The following PTPRG variants were observed in gnomAD, a reference collection of about 807,000 sequenced individuals.
PTPRG encodes the protein protein tyrosine phosphatase receptor type G, also known as receptor-type tyrosine-protein phosphatase gamma.
Under a neutral mutation model 165.3 loss-of-function variants are expected in PTPRG, and 102 were observed. That is an observed-to-expected ratio of 0.62 (90% CI 0.53 to 0.73). The LOEUF (loss-of-function observed/expected upper bound fraction) is 0.73, where lower values mean the gene tolerates loss of function less well. PTPRG is among the 30% of genes least tolerant of loss of function. The pLI is 0.00. For synonymous variants in PTPRG, 675 were observed against 669.5 expected, an observed-to-expected ratio of 1.01 and a Z score of -0.13; for missense variants, 1,866 against 1,861.4, an observed-to-expected ratio of 1.00 and a Z score of -0.05.
chr3:61,763,377 A>G (rs1288277255), intron 2 of PTPRG, among the ~76,000 whole-genome samples: 1 of 151,942 alleles, frequency 6.6e-6, no homozygotes, highest in Non-Finnish European at 1.5e-5. Flanking sequence ...AGCTGGGATT[A>G]CAGGCGCGCA....
chr3:61,682,258 C>G (rs1703472894), intron 1 of PTPRG, among the ~76,000 whole-genome samples: 1 of 151,060 alleles, frequency 6.6e-6, no homozygotes, highest in African/African-American at 2.4e-5. Context: ...ATGTTAAATT[C>G]TCTGAATTTG....
At chr3:61,993,795 G>A (rs368038916) in intron 3 of PTPRG, among the ~76,000 whole-genome samples, 61 of 151,950 alleles carry the variant, frequency 4.0e-4, no homozygotes, top group African/African-American at 1.4e-3. Context: ...TTTTTCTGAT[G>A]GAAATTTACA....
chr3:62,073,988 G>C (rs377101763), intron 4 of PTPRG, among the ~76,000 whole-genome samples: 2 of 152,210 alleles, frequency 1.3e-5, no homozygotes, highest in East Asian at 1.9e-4. Flanking sequence ...TTGGGCACTT[G>C]CCAAAACTTG....
intron 5 of PTPRG, among the ~76,000 whole-genome samples, chr3:62,114,544 G>A (rs974640253): frequency 6.6e-5 from 10 of 152,102 alleles, no homozygotes; most frequent in African/African-American, 2.4e-4. Flanking sequence ...AGTAGCCAAA[G>A]TACTTCATAT....
At chr3:62,089,965 A>G (rs138175707) in intron 5 of PTPRG, among the ~76,000 whole-genome samples, 1 of 152,194 alleles carries the variant, frequency 6.6e-6, no homozygotes, top group East Asian at 1.9e-4. Flanking sequence ...TGCTACCTCC[A>G]TGTATCAACT....
At chr3:61,589,583 T>C (rs1700517011) in intron 1 of PTPRG, among the ~76,000 whole-genome samples, 1 of 152,176 alleles carries the variant, frequency 6.6e-6, no homozygotes, top group South Asian at 2.1e-4. Flanking sequence ...TGTTGGTGAC[T>C]CAAAGTCATT....
chr3:61,898,420 T>C (rs2038417064), intron 2 of PTPRG, among the ~76,000 whole-genome samples: 1 of 152,210 alleles, frequency 6.6e-6, no homozygotes, highest in South Asian at 2.1e-4. Flanking sequence ...ATGCTGCTGC[T>C]TTTTTCTGTC....
intron 1 of PTPRG, among the ~76,000 whole-genome samples, chr3:61,644,619 A>G (rs1197671637): frequency 6.6e-6 from 1 of 152,128 alleles, no homozygotes; most frequent in Non-Finnish European, 1.5e-5. Context: ...TCTCTATCCG[A>G]AATAGGACTA....
At chr3:61,583,031 A>G (rs1700341032) in intron 1 of PTPRG, among the ~76,000 whole-genome samples, 1 of 152,232 alleles carries the variant, frequency 6.6e-6, no homozygotes, top group Admixed American at 6.5e-5. Context: ...AAGTGAACAG[A>G]GGCAATAATG....
chr3:62,159,138 A>T (rs1704648164), intron 7 of PTPRG, among the ~76,000 whole-genome samples: 1 of 152,104 alleles, frequency 6.6e-6, no homozygotes, highest in African/African-American at 2.4e-5. Flanking sequence ...CAGCCTGGGC[A>T]ACATGGCAAG....
At chr3:61,891,859 T>C (rs2038223086) in intron 2 of PTPRG, among the ~76,000 whole-genome samples, 3 of 152,184 alleles carry the variant, frequency 2.0e-5, no homozygotes. Context: ...TTGTGGAAAT[T>C]AGCATTATGA....
At chr3:61,653,934 G>C (rs945481878) in intron 1 of PTPRG, among the ~76,000 whole-genome samples, 3 of 151,798 alleles carry the variant, frequency 2.0e-5, no homozygotes, top group Middle Eastern at 3.4e-3. Context: ...AACATGTAAG[G>C]CTAATTAAGG....
intron 9 of PTPRG, among the ~76,000 whole-genome samples, chr3:62,192,487 C>T (rs1483821230): frequency 2.1e-5 from 3 of 139,868 alleles, no homozygotes; most frequent in African/African-American, 7.8e-5. Context: ...CGGCTCACTG[C>T]AAGCTCCACC....
intron 2 of PTPRG, among the ~76,000 whole-genome samples, chr3:61,791,105 G>T (rs969478357): frequency 4.6e-5 from 7 of 152,114 alleles, no homozygotes; most frequent in Non-Finnish European, 8.8e-5. Context: ...AAGAAGTATG[G>T]TATAATTTTT....
chr3:61,986,018 G>A (rs1326700372), intron 2 of PTPRG, among the ~76,000 whole-genome samples: 1 of 151,200 alleles, frequency 6.6e-6, no homozygotes, highest in African/African-American at 2.5e-5. Context: ...GACCAAGGGA[G>A]TGAGGAATAC....
At chr3:62,137,658 T>G (rs2106940945) in intron 6 of PTPRG, among the ~76,000 whole-genome samples, 1 of 152,258 alleles carries the variant, frequency 6.6e-6, no homozygotes, top group Non-Finnish European at 1.5e-5. Flanking sequence ...ACCACCGTGA[T>G]CTTTTTTTGG....
At chr3:61,976,954 G>A (rs1308104566) in intron 2 of PTPRG, among the ~76,000 whole-genome samples, 2 of 152,064 alleles carry the variant, frequency 1.3e-5, no homozygotes, top group African/African-American at 4.8e-5. Flanking sequence ...GCAATTACAG[G>A]TGTGAGCCAC....
At chr3:62,137,011 T>C (rs138503564) in intron 6 of PTPRG, among the ~76,000 whole-genome samples, 58 of 152,262 alleles carry the variant, frequency 3.8e-4, no homozygotes, top group Admixed American at 6.5e-4. Context: ...AAATTGTGAC[T>C]TTTACTAACT....
intron 1 of PTPRG, among the ~76,000 whole-genome samples, chr3:61,649,714 A>G (rs759398354): frequency 3.4e-4 from 52 of 152,368 alleles, no homozygotes; most frequent in Non-Finnish European, 6.2e-4. Context: ...TGTGTTGAGT[A>G]TAATGCAAGG....
Sources: gnomAD v4.1 joint callset for allele counts (sites outside exome capture counted in the v4.1 genomes callset) on GRCh38, gnomAD v4.1.1 for gene constraint, MANE v1.5 for transcripts, NCBI Gene and HGNC (gene_info 2026-07-23, HGNC 2026-07-21) for gene names.